Variants in PFKFB2 observed in about 807,000 individuals in gnomAD.
PFKFB2 encodes the protein 6-phosphofructo-2-kinase/fructose-2,6-bisphosphatase 2.
A neutral mutation model predicts 68.0 loss-of-function variants in PFKFB2; 53 were observed. The observed-to-expected ratio is 0.78, with a 90% CI of 0.63 to 0.98. The LOEUF is 0.98. Among genes scored for constraint, PFKFB2 ranks in the 50% least tolerant of loss-of-function variants. The pLI is 0.00. For synonymous variants in PFKFB2, 222 were observed against 227.6 expected, an observed-to-expected ratio of 0.98 and a Z score of 0.22; for missense variants, 451 against 642.0, an observed-to-expected ratio of 0.70 and a Z score of 3.22.
intron 9 of PFKFB2, among the ~76,000 whole-genome samples, 182 bp from the exon 10 acceptor site, chr1:207,067,981 G>A (rs1173991675): frequency 6.6e-6 from 1 of 152,094 alleles, no homozygotes; most frequent in Non-Finnish European, 1.5e-5. Context: ...TCCAGTTAAA[G>A]TTCATTTCCT....
At chr1:207,048,809 T>C, upstream of PFKFB2, 1 of 555,518 alleles carries the variant, frequency 1.8e-6, no homozygotes, top group Non-Finnish European at 3.2e-6. Context: ...AAGAGGCATG[T>C]ATGTACAGTT....
In PFKFB2 at chr1:207,068,274, T is replaced by C; in HGVS notation, c.952T>C (p.Tyr318His). 6.2e-7 allele frequency: 1 copy of C among 1,605,908 alleles called. No individual in the cohort carries two copies. The highest frequency in any genetic ancestry group is 8.5e-7 in the Non-Finnish European group (1 of 1,176,274). The change falls in exon 10 of 15, where the codon TAT becomes CAT. Residue 318 changes from tyrosine (Y) to histidine (H), a missense_variant. Physicochemically the swap from Tyr to His is moderately conservative, Grantham distance 83. Coordinates refer to ENST00000367080, the MANE Select transcript of PFKFB2 (RefSeq NM_006212.2). The stretch of plus-strand genomic sequence containing the variant: ...GACTGCTGAATCTCTCGGGGTGCCC[T>C]ATGAGCAGTGGAAGATTCTGAATGA... Reference protein sequence around the residue: ...IQTAESLGVPYEQWKILNEID... With the variant: ...IQTAESLGVPHEQWKILNEID...
At chr1:207,048,836 C>G (rs994003042), upstream of PFKFB2, 11 of 612,358 alleles carry the variant, frequency 1.8e-5, no homozygotes, top group Non-Finnish European at 3.1e-5. Context: ...TGTAGACACA[C>G]ATCTGTAAAC....
At chr1:207,053,430 C>T (rs1225176305) in intron 1 of PFKFB2, 64 bp downstream of exon 1, 1 of 152,662 alleles carries the variant, frequency 6.6e-6, no homozygotes, top group Admixed American at 6.5e-5. Flanking sequence ...GCTGCGTGCC[C>T]CCGGATGAAG....
upstream of PFKFB2, chr1:207,051,117 A>G: frequency 7.0e-7 from 1 of 1,426,506 alleles, no homozygotes; most frequent in East Asian, 2.6e-5. Context: ...ACTCTTTTAA[A>G]GTGACAACTG....
intron 2 of PFKFB2, chr1:207,045,121 T>TA (rs1446366977): frequency 5.2e-5 from 8 of 152,492 alleles, no homozygotes; most frequent in Admixed American, 5.2e-4. Context: ...TGATGCCACT[T>TA]GTATATGACA....
chr1:207,050,570 TG>T, upstream of PFKFB2: 1 of 1,360,558 alleles, frequency 7.3e-7, no homozygotes, highest in South Asian at 1.3e-5. Flanking sequence ...TCCTCGCCCC[TG>T]GCCTCAAAGC....
At chr1:207,055,274 C>T (rs979906292) in intron 2 of PFKFB2, among the ~76,000 whole-genome samples, 6 of 152,140 alleles carry the variant, frequency 3.9e-5, no homozygotes, top group African/African-American at 1.4e-4. Context: ...GGGGAATGAG[C>T]CCTGACACTT....
At chr1:207,077,976 C>T (rs74148965), downstream of PFKFB2, among the ~76,000 whole-genome samples, 7,487 of 152,240 alleles carry the variant, frequency 0.049, 588 homozygotes, top group African/African-American at 0.17. Context: ...CCGTGGCTCT[C>T]TTCTGCCACC....
Position 207,075,091 on chromosome 1 carries a change from T to C in PFKFB2, c.*2720T>C, listed in dbSNP as rs1044586613. 12 of 985,472 alleles carry C rather than the reference T, an allele frequency of 1.2e-5. No homozygotes were observed. The highest frequency in any genetic ancestry group is 5.2e-4 in the Middle Eastern group (1 of 1,914). The allele number at this position is 985,472 out of a possible 1,614,324, so 61.0% of individuals were successfully genotyped here. On this transcript the variant is annotated 3_prime_UTR_variant, in exon 15 of 15. Coordinates refer to ENST00000367080, the MANE Select transcript of PFKFB2 (RefSeq NM_006212.2). ...TAATGAATGAGAAGAGGGAGCACTT[T>C]GATCCACAGACTTTGGATTAACACT...
chr1:207,074,570 C>G lies in PFKFB2; in HGVS notation c.*2199C>G. 1 of 985,400 alleles carries G rather than the reference C, an allele frequency of 1.0e-6. No homozygotes were observed. Among genetic ancestry groups the G allele is most frequent in the Non-Finnish European group, 1.2e-6 (1 of 829,930 alleles). 61.0% of individuals were successfully genotyped at this position (985,400 alleles called of 1,614,324 possible). ...GTCCCAAGTAGGATACCATAGGCAG[C>G]TTCTAAAGGCTGCTTACCTAGATTC... is the stretch of plus-strand genomic sequence containing the variant. On this transcript the variant is annotated 3_prime_UTR_variant, in exon 15 of 15. Coordinates refer to ENST00000367080, the MANE Select transcript of PFKFB2 (RefSeq NM_006212.2).
intron 4 of PFKFB2, among the ~76,000 whole-genome samples, chr1:207,062,920 T>C (rs1683161077): frequency 6.6e-6 from 1 of 152,070 alleles, no homozygotes; most frequent in Non-Finnish European, 1.5e-5. Context: ...GTAGGAGAAG[T>C]CTAAAGAGGG....
chr1:207,052,480 G>T (rs890284998), upstream of PFKFB2, among the ~76,000 whole-genome samples: 1 of 152,122 alleles, frequency 6.6e-6, no homozygotes, highest in Non-Finnish European at 1.5e-5. Context: ...TCATCAATAT[G>T]GAGAAACCCC....
At chr1:207,050,634 A>T, upstream of PFKFB2, 1 of 1,601,810 alleles carries the variant, frequency 6.2e-7, no homozygotes, top group Non-Finnish European at 8.5e-7. Flanking sequence ...GTTCTCTCTC[A>T]CGCCCCTCTC....
At chr1:207,038,233 G>A (rs1431606363) in intron 1 of PFKFB2, among the ~76,000 whole-genome samples, 1 of 152,144 alleles carries the variant, frequency 6.6e-6, no homozygotes, top group Non-Finnish European at 1.5e-5. Context: ...AATGTCTATT[G>A]TAGATCCAGC....
In PFKFB2 at chr1:207,076,393, G is replaced by A. The variant is rs1572740816; in HGVS notation, c.*4022G>A. The A allele has an allele frequency of 1.0e-6, 1 of 985,020 alleles. No homozygotes were observed. The highest frequency in any genetic ancestry group is 1.2e-6 in the Non-Finnish European group (1 of 829,838). The allele number at this position is 985,020 out of a possible 1,614,324, so 61.0% of individuals were successfully genotyped here. On this transcript the variant is annotated 3_prime_UTR_variant, in exon 15 of 15. Transcript: ENST00000367080. Reference sequence around the variant, plus strand: ...TATGTAATCTTATGCACATTCCATTGTCTTTGCCAAGCCCAGAAGCCATGT... The same window carrying A: ...TATGTAATCTTATGCACATTCCATTATCTTTGCCAAGCCCAGAAGCCATGT...
Position 207,074,527 on chromosome 1 carries a change from C to G in PFKFB2, c.*2156C>G. 3.0e-6 allele frequency: 3 copies of G among 985,382 alleles called. No individual in the cohort carries two copies. Among genetic ancestry groups the G allele is most frequent in the Non-Finnish European group, 3.6e-6 (3 of 829,936 alleles). 61.0% of individuals were successfully genotyped at this position (985,382 alleles called of 1,614,324 possible). On this transcript the variant is annotated 3_prime_UTR_variant, in exon 15 of 15. Coordinates refer to ENST00000367080, the MANE Select transcript of PFKFB2 (RefSeq NM_006212.2). ...ATCACTGGCAACTGACTCCTGACCC[C>G]GGGTCCTTTACTCGTATGTCCCAAG...
In PFKFB2 at chr1:207,076,865, TTC is replaced by T. The variant is rs909605062; in HGVS notation, c.*4496_*4497del. 281 of 985,240 alleles carry T rather than the reference TTC, an allele frequency of 2.9e-4. No homozygotes were observed. Among genetic ancestry groups the T allele is most frequent in the Non-Finnish European group, 3.4e-4 (279 of 829,764 alleles). 61.0% of individuals were successfully genotyped at this position (985,240 alleles called of 1,614,324 possible). A position where few individuals can be genotyped will look rare whatever the true frequency, so the allele number is the denominator to read the frequency against. On this transcript the variant is annotated 3_prime_UTR_variant, in exon 15 of 15. Transcript: ENST00000367080. Reference sequence around the variant, plus strand: ...TCTGTAAGCTGACAGTCTGCCTGCTTTCTGATTGTATCCATTGAAGTGTATGT... The same window carrying T: ...TCTGTAAGCTGACAGTCTGCCTGCTTTGATTGTATCCATTGAAGTGTATGT...
downstream of PFKFB2, among the ~76,000 whole-genome samples, chr1:207,078,626 A>G (rs973861066): frequency 2.0e-5 from 3 of 152,034 alleles, no homozygotes; most frequent in African/African-American, 7.3e-5. Context: ...TTTGGCTGAC[A>G]TAGCCTACAC....
Sources: gnomAD v4.1 joint callset for allele counts (sites outside exome capture counted in the v4.1 genomes callset) on GRCh38, gnomAD v4.1.1 for gene constraint, MANE v1.5 for transcripts, NCBI Gene and HGNC (gene_info 2026-07-23, HGNC 2026-07-21) for gene names.